Variants in COL5A1 observed in about 807,000 individuals in gnomAD.
COL5A1 encodes collagen alpha-1(V) chain.
COL5A1 carries 16 observed loss-of-function variants against 263.7 expected under a neutral mutation model. The observed-to-expected ratio is 0.06, with a 90% confidence interval of 0.04 to 0.09. The LOEUF (loss-of-function observed/expected upper bound fraction) is 0.09. Ranked by LOEUF, COL5A1 falls within the 10% of genes least tolerant of loss-of-function variation. The probability of loss-of-function intolerance (pLI) is 1.00; values close to 1 mark genes in which losing one functional copy is unlikely to be tolerated. For synonymous variants in COL5A1, 1,012 were observed against 1,004.5 expected, an observed-to-expected ratio of 1.01 and a Z score of -0.14; for missense variants, 2,036 against 2,540.5, an observed-to-expected ratio of 0.80 and a Z score of 4.27.
intron 60 of COL5A1, 105 bp from the exon 61 acceptor site, chr9:134,823,311 C>A (rs1008597421): frequency 2.1e-5 from 27 of 1,285,028 alleles, no homozygotes; most frequent in Non-Finnish European, 3.0e-5. Flanking sequence ...CTGATAGGGC[C>A]ACCTCCCCCA....
rs201582108 is a variant in COL5A1 at position 134,822,128 on chromosome 9, C to A, written c.4586C>A (p.Pro1529His). 69 of 1,613,848 alleles carry A rather than the reference C, an allele frequency of 4.3e-5. No homozygotes were observed. The highest frequency in any genetic ancestry group is 5.7e-5 in the Non-Finnish European group (67 of 1,179,912). The change falls in exon 59 of 66, where the codon CCT (proline) becomes CAT (histidine). Residue 1529 changes from proline (P) to histidine (H), a missense_variant. Pro to His is a moderately conservative substitution (Grantham distance 77). This residue lies in a region of COL5A1 where 1,078 missense variants were observed against 1,521.4 expected (regional missense o/e 0.71). Transcript: ENST00000371817. ...ACTGGTCCTTCTGGCCCGATTGGGC[C>A]TCCTGGGCCCCCTGGCCTGCCGGTG... ...GITGPSGPIGPPGPPGLPGPP... is the reference protein window; with the variant it reads ...GITGPSGPIGHPGPPGLPGPP...
At chr9:134,753,759 T>TA in intron 14 of COL5A1, 91 bp from the exon 15 acceptor site, 1 of 540,642 alleles carries the variant, frequency 1.8e-6, no homozygotes, top group Non-Finnish European at 3.7e-6. Context: ...CCCTGTCCCC[T>TA]CCCCCTGCCC....
At chr9:134,704,102 G>A (rs986659121) in intron 4 of COL5A1, among the ~76,000 whole-genome samples, 1 of 152,086 alleles carries the variant, frequency 6.6e-6, no homozygotes, top group Non-Finnish European at 1.5e-5. Context: ...TAACTGAGCA[G>A]GAAAAGCTGT....
intron 36 of COL5A1, among the ~76,000 whole-genome samples, chr9:134,797,597 C>G (rs1837959092): frequency 6.6e-6 from 1 of 152,250 alleles, no homozygotes; most frequent in East Asian, 1.9e-4. Flanking sequence ...ATTCTCCTGC[C>G]TCAGCCTCCC....
intron 65 of COL5A1, among the ~76,000 whole-genome samples, chr9:134,835,643 G>C (rs912196190): frequency 6.6e-6 from 1 of 152,248 alleles, no homozygotes; most frequent in Admixed American, 6.5e-5. Flanking sequence ...ACAGTTGCCA[G>C]CTCTCCGGAC....
intron 58 of COL5A1, among the ~76,000 whole-genome samples, chr9:134,820,898 C>T (rs984558342): frequency 6.6e-6 from 1 of 152,134 alleles, no homozygotes; most frequent in Non-Finnish European, 1.5e-5. Flanking sequence ...GTGTGACGGA[C>T]ACACACACGC....
intron 18 of COL5A1, among the ~76,000 whole-genome samples, chr9:134,760,090 GCC>G (rs1564439385): frequency 6.3e-5 from 2 of 31,860 alleles, no homozygotes; most frequent in African/African-American, 1.6e-4. Flanking sequence ...ACGCATACAC[GCC>G]CACACACCCC....
chr9:134,656,124 G>A (rs1831962982), intron 1 of COL5A1, among the ~76,000 whole-genome samples: 1 of 152,190 alleles, frequency 6.6e-6, no homozygotes, highest in Non-Finnish European at 1.5e-5. Flanking sequence ...ACAGGTGCAG[G>A]AGCCCCGGGG....
At chr9:134,666,642 G>T (rs1280337918) in intron 1 of COL5A1, among the ~76,000 whole-genome samples, 1 of 152,190 alleles carries the variant, frequency 6.6e-6, no homozygotes, top group Non-Finnish European at 1.5e-5. Flanking sequence ...TCAGGGTGGG[G>T]TAAGCTAGTT....
intron 20 of COL5A1, among the ~76,000 whole-genome samples, chr9:134,764,173 G>A (rs1488462828): frequency 2.0e-5 from 3 of 147,970 alleles, no homozygotes; most frequent in African/African-American, 7.5e-5. Flanking sequence ...GGTCAGCATG[G>A]GTGGGTACAA....
chr9:134,675,546 T>A (rs1357345804), intron 1 of COL5A1, among the ~76,000 whole-genome samples: 1 of 152,262 alleles, frequency 6.6e-6, no homozygotes, highest in Non-Finnish European at 1.5e-5. Context: ...TGTGGTTCTC[T>A]ATTGCTGCGG....
At chr9:134,713,786 CTG>C (rs1371453741) in intron 4 of COL5A1, among the ~76,000 whole-genome samples, 1 of 152,176 alleles carries the variant, frequency 6.6e-6, no homozygotes, top group African/African-American at 2.4e-5. Context: ...GGTCTGGAAA[CTG>C]TGCTGAACAG....
In COL5A1 at chr9:134,781,707, C is replaced by T. The variant is rs11103525; in HGVS notation, c.2431-960C>T. Among the ~76,000 whole-genome samples, 17 of 152,294 alleles carry T rather than the reference C, an allele frequency of 1.1e-4. No individual in the cohort carries two copies. In the South Asian group the frequency reaches 1.9e-3, roughly 17 times the overall value. Reference sequence around the variant, plus strand: ...AAGGAGTGGGGCAGTGCCAAGGGACCGTCTTTGTGGACTTCTGCATTATTT... The same window carrying T: ...AAGGAGTGGGGCAGTGCCAAGGGACTGTCTTTGTGGACTTCTGCATTATTT... On this transcript the variant is annotated intron_variant, in intron 28 of 65. Coordinates refer to ENST00000371817, the MANE Select transcript of COL5A1 (RefSeq NM_000093.5).
chr9:134,694,797 G>T (rs1373594593), intron 2 of COL5A1, among the ~76,000 whole-genome samples: 7 of 152,114 alleles, frequency 4.6e-5, no homozygotes, highest in African/African-American at 1.4e-4. Flanking sequence ...TCCCAGTGGG[G>T]TCCCAGGCCT....
intron 1 of COL5A1, among the ~76,000 whole-genome samples, chr9:134,663,798 C>T (rs1016019028): frequency 3.3e-5 from 5 of 152,324 alleles, no homozygotes; most frequent in African/African-American, 4.8e-5. Flanking sequence ...CTTTCATTCA[C>T]GACAGCTGTC....
chr9:134,789,892 C>T lies in COL5A1; in HGVS notation c.2700+684C>T, dbSNP rs768210091. ...TTGGGAAAACAGGAGAGAGATGGTC[C>T]TCAGGCCTTGGACTCTGAGCTGGCC... is the stretch of plus-strand genomic sequence containing the variant. On this transcript the variant is annotated intron_variant, in intron 32 of 65. Coordinates refer to ENST00000371817, the MANE Select transcript of COL5A1 (RefSeq NM_000093.5). This position sits in a 1 kb window ranked among gnomAD's most constrained non-coding sequence, Gnocchi z 4.8. Among the ~76,000 whole-genome samples, 2 of 152,230 alleles carry T rather than the reference C, an allele frequency of 1.3e-5. No individual in the cohort carries two copies. The highest frequency in any genetic ancestry group is 2.9e-5 in the Non-Finnish European group (2 of 68,032).
At chr9:134,721,356 T>C (rs1834448233) in intron 4 of COL5A1, among the ~76,000 whole-genome samples, 1 of 150,828 alleles carries the variant, frequency 6.6e-6, no homozygotes, top group Non-Finnish European at 1.5e-5. Context: ...CATACAGGGC[T>C]GCCCAGGACC....
Position 134,652,090 on chromosome 9 carries a change from G to A in COL5A1, c.109+9794G>A, listed in dbSNP as rs1384408583. On this transcript the variant is annotated intron_variant, in intron 1 of 65. Transcript: ENST00000371817. This position sits in a 1 kb window ranked among gnomAD's most constrained non-coding sequence, Gnocchi z 4.4. Reference sequence around the variant, plus strand: ...GCCTTTGGCTACAGAGTGTTCCCGCGGTCGAGGTGGGGTGAAGGGCGTTCT... The same window carrying A: ...GCCTTTGGCTACAGAGTGTTCCCGCAGTCGAGGTGGGGTGAAGGGCGTTCT... Among the ~76,000 whole-genome samples the A allele has an allele frequency of 6.6e-6, 1 of 152,144 alleles. No individual in the cohort carries two copies. Among genetic ancestry groups the A allele is most frequent in the Non-Finnish European group, 1.5e-5 (1 of 68,026 alleles).
chr9:134,814,302 G>A (rs534483561), intron 49 of COL5A1, among the ~76,000 whole-genome samples: 2 of 152,216 alleles, frequency 1.3e-5, no homozygotes, highest in South Asian at 2.1e-4. Context: ...TGGCCCCTTC[G>A]CGGGGCAGCT....
Sources: gnomAD v4.1 joint callset for allele counts (sites outside exome capture counted in the v4.1 genomes callset) on GRCh38, gnomAD v4.1.1 for gene constraint, gnomAD v4.1.1 regional missense constraint, Gnocchi (gnomAD v3.1) non-coding constraint, MANE v1.5 for transcripts, NCBI Gene and HGNC (gene_info 2026-07-23, HGNC 2026-07-21) for gene names.